ZNF490: variants seen among roughly 807,000 people sequenced by gnomAD.
The protein encoded by ZNF490 is zinc finger protein 490.
ZNF490 carries 11 observed loss-of-function variants against 17.7 expected under a neutral mutation model. The observed-to-expected ratio is 0.62, with a 90% CI of 0.39 to 1.03. The LOEUF (loss-of-function observed/expected upper bound fraction) is 1.03, where lower values mean the gene tolerates loss of function less well. Among genes scored for constraint, ZNF490 ranks in the 50% least tolerant of loss-of-function variants. The pLI is 0.00. For missense variants in ZNF490, 542 were observed against 643.4 expected, an observed-to-expected ratio of 0.84 and a Z score of 1.71; for synonymous variants, 222 against 216.1, an observed-to-expected ratio of 1.03 and a Z score of -0.24.
Position 12,581,274 on chromosome 19 carries a change from G to A in ZNF490, c.801C>T (p.Arg267=), listed in dbSNP as rs2022729493. 1 of 1,614,040 alleles carries A rather than the reference G, an allele frequency of 6.2e-7. No homozygotes were observed. The stretch of plus-strand genomic sequence containing the variant: ...TCTCTCCAGTGTGATTTTTTTCATG[G>A]CGCCGAAGAGCAGTGAGATATCTGA... ...KAFRYLTALR[R]HEKNHTGEKP... The change falls in exon 5 of 5, where the codon CGC becomes CGT. Residue 267 remains arginine (R), a synonymous_variant. Transcript: ENST00000311437.
At chr19:12,582,953 T>A in intron 3 of ZNF490, 43 bp from the exon 4 acceptor site, 2 of 1,465,940 alleles carry the variant, frequency 1.4e-6, no homozygotes, top group Non-Finnish European at 1.9e-6. Flanking sequence ...TTATTAGAAA[T>A]TATAGAAAAT....
intron 2 of ZNF490, among the ~76,000 whole-genome samples, chr19:12,587,924 C>T (rs1405378527): frequency 1.1e-5 from 1 of 93,730 alleles, no homozygotes; most frequent in African/African-American, 3.2e-5. Context: ...GGCTGGAGTG[C>T]GATGGCGCAA....
chr19:12,580,306 A>G lies in ZNF490; in HGVS notation c.*179T>C. On this transcript the variant is annotated 3_prime_UTR_variant, in exon 5 of 5. Transcript: ENST00000311437. Reference sequence around the variant, plus strand: ...ATCTGCAATCCCGCAGGAGAGTGCAAGTTCCTCCCCCATTTGTTAAATATT... The same window carrying G: ...ATCTGCAATCCCGCAGGAGAGTGCAGGTTCCTCCCCCATTTGTTAAATATT... 7.1e-7 allele frequency: 1 copy of G among 1,411,048 alleles called. No individual in the cohort carries two copies. Among genetic ancestry groups the G allele is most frequent in the Non-Finnish European group, 9.2e-7 (1 of 1,086,826 alleles). 87.4% of individuals were successfully genotyped at this position (1,411,048 alleles called of 1,614,324 possible).
intron 2 of ZNF490, among the ~76,000 whole-genome samples, chr19:12,597,987 A>G (rs934315394): frequency 2.0e-5 from 3 of 152,202 alleles, no homozygotes; most frequent in African/African-American, 7.2e-5. Flanking sequence ...GCACTTTGGG[A>G]GGCCGAGGCG....
intron 2 of ZNF490, among the ~76,000 whole-genome samples, chr19:12,599,139 CAAAAAAA>C (rs55911311): frequency 1.6e-4 from 11 of 68,634 alleles, no homozygotes; most frequent in East Asian, 6.6e-4. Context: ...GACTCTGTCT[CAAAAAAA>C]AAAAAAAAAA....
At position 12,579,856 on chromosome 19, in the gene ZNF490, C is replaced by T. The variant is rs1302383608; in HGVS notation, c.*629G>A. On this transcript the variant is annotated 3_prime_UTR_variant, in exon 5 of 5. Coordinates refer to ENST00000311437, the MANE Select transcript of ZNF490 (RefSeq NM_020714.3). ...GGTGCTGTGGCTCACACCTGTAATC[C>T]CAGCACTTTGGGAGGCCGAGGCAGG... 9 of 151,514 alleles carry T rather than the reference C, an allele frequency of 5.9e-5. No individual in the cohort carries two copies. The highest frequency in any genetic ancestry group is 5.3e-4 in the Admixed American group (8 of 15,078). The allele number at this position is 151,514 out of a possible 1,614,324, so 9.4% of individuals were successfully genotyped here. A position where few individuals can be genotyped will look rare whatever the true frequency, so the allele number is the denominator to read the frequency against.
At chr19:12,603,456 C>T (rs2023030149) in intron 2 of ZNF490, among the ~76,000 whole-genome samples, 1 of 151,928 alleles carries the variant, frequency 6.6e-6, no homozygotes, top group Non-Finnish European at 1.5e-5. Flanking sequence ...CCACTGCACT[C>T]CAGCCTAGGT....
intron 2 of ZNF490, among the ~76,000 whole-genome samples, chr19:12,594,269 C>T (rs940308513): frequency 6.6e-6 from 1 of 152,030 alleles, no homozygotes; most frequent in Admixed American, 6.6e-5. Flanking sequence ...AGTTTGAGAC[C>T]AGCCTGGCCA....
At position 12,578,119 on chromosome 19, in the gene ZNF490, C is replaced by A; in HGVS notation, c.*2366G>T. The A allele has an allele frequency of 5.1e-6, 5 of 985,506 alleles. No individual in the cohort carries two copies. The highest frequency in any genetic ancestry group is 6.0e-6 in the Non-Finnish European group (5 of 830,028). The allele number at this position is 985,506 out of a possible 1,614,324, so 61.0% of individuals were successfully genotyped here. A position where few individuals can be genotyped will look rare whatever the true frequency, so the allele number is the denominator to read the frequency against. ...TTTCCAAGAAGAGCTAAGTGCTAGT[C>A]TTAGCGGGAGGCTAGGAAACCAGTC... On this transcript the variant is annotated 3_prime_UTR_variant, in exon 5 of 5. Coordinates refer to ENST00000311437, the MANE Select transcript of ZNF490 (RefSeq NM_020714.3).
chr19:12,584,071 G>A (rs12976653), intron 2 of ZNF490, among the ~76,000 whole-genome samples: 14,560 of 54,546 alleles, frequency 0.27, 2,555 homozygotes, highest in Non-Finnish European at 0.4. Flanking sequence ...CGGCCTCCCA[G>A]AGTGCTGGGA....
intron 2 of ZNF490, among the ~76,000 whole-genome samples, chr19:12,593,637 G>T (rs1452642075): frequency 6.6e-6 from 1 of 152,142 alleles, no homozygotes; most frequent in African/African-American, 2.4e-5. Flanking sequence ...GGGATTTATT[G>T]TTGGCCACTG....
intron 1 of ZNF490, chr19:12,609,850 GA>G: frequency 2.3e-6 from 1 of 431,980 alleles, no homozygotes; most frequent in Non-Finnish European, 4.5e-6. Flanking sequence ...AGAGAGGGGG[GA>G]TGAGGGATGA....
At position 12,580,282 on chromosome 19, in the gene ZNF490, T is replaced by A; in HGVS notation, c.*203A>T. On this transcript the variant is annotated 3_prime_UTR_variant, in exon 5 of 5. Transcript: ENST00000311437. ...TCTGTCCATGGAGTCCATTCACATA[T>A]CTGCAATCCCGCAGGAGAGTGCAAG... 2 of 1,352,714 alleles carry A rather than the reference T, an allele frequency of 1.5e-6. No homozygotes were observed. The highest frequency in any genetic ancestry group is 1.9e-6 in the Non-Finnish European group (2 of 1,055,246). 83.8% of individuals were successfully genotyped at this position (1,352,714 alleles called of 1,614,324 possible).
intron 2 of ZNF490, among the ~76,000 whole-genome samples, chr19:12,604,852 A>T (rs2023049468): frequency 6.6e-6 from 1 of 151,606 alleles, no homozygotes; most frequent in Admixed American, 6.6e-5. Flanking sequence ...AATAATAAAT[A>T]AAATAAAATA....
intron 2 of ZNF490, among the ~76,000 whole-genome samples, chr19:12,602,680 A>T (rs892454397): frequency 6.6e-6 from 1 of 150,848 alleles, no homozygotes; most frequent in South Asian, 2.1e-4. Flanking sequence ...GCTAGAGTAC[A>T]GTGGTGTGAT....
intron 2 of ZNF490, among the ~76,000 whole-genome samples, chr19:12,603,323 CA>C (rs570964087): frequency 1.6e-4 from 25 of 151,946 alleles, no homozygotes; most frequent in African/African-American, 5.3e-4. Context: ...CCTATCTCTA[CA>C]AAAAATACAA....
Position 12,579,573 on chromosome 19 carries a change from G to A in ZNF490, c.*912C>T, listed in dbSNP as rs929779843. On this transcript the variant is annotated 3_prime_UTR_variant, in exon 5 of 5. Transcript: ENST00000311437. Reference sequence around the variant, plus strand: ...AAAAAGTAAAACGAACAATTTGGGAGGCCAAGGTGGGTGGATCATTTGAGG... The same window carrying A: ...AAAAAGTAAAACGAACAATTTGGGAAGCCAAGGTGGGTGGATCATTTGAGG... The A allele has an allele frequency of 6.6e-6, 1 of 151,740 alleles. No individual in the cohort carries two copies. Among genetic ancestry groups the A allele is most frequent in the Non-Finnish European group, 1.5e-5 (1 of 67,996 alleles). The allele number at this position is 151,740 out of a possible 1,614,324, so 9.4% of individuals were successfully genotyped here.
intron 2 of ZNF490, among the ~76,000 whole-genome samples, chr19:12,602,994 G>A (rs12972944): frequency 0.58 from 88,263 of 151,854 alleles, 26,880 homozygotes; most frequent in Non-Finnish European, 0.69. Flanking sequence ...TTGACACACA[G>A]ACAAGAACTA....
chr19:12,601,734 T>A (rs1046572690), intron 2 of ZNF490, among the ~76,000 whole-genome samples: 5 of 152,174 alleles, frequency 3.3e-5, no homozygotes, highest in Non-Finnish European at 7.3e-5. Context: ...GGCATAGGCC[T>A]GTAATCCCAG....
Sources: gnomAD v4.1 joint callset for allele counts (sites outside exome capture counted in the v4.1 genomes callset) on GRCh38, gnomAD v4.1.1 for gene constraint, MANE v1.5 for transcripts, NCBI Gene and HGNC (gene_info 2026-07-23, HGNC 2026-07-21) for gene names.